The following NR1H3 variants were observed in gnomAD, a reference collection of about 807,000 sequenced individuals.
NR1H3 encodes nuclear receptor subfamily 1 group H member 3.
A neutral mutation model predicts 48.1 loss-of-function variants in NR1H3; 19 were observed. The observed-to-expected ratio is 0.40, with a 90% CI of 0.28 to 0.58. The LOEUF is 0.58. Among genes scored for constraint, NR1H3 ranks in the 20% least tolerant of loss-of-function variants. NR1H3 has a pLI of 0.50. For synonymous variants in NR1H3, 232 were observed against 227.3 expected, an observed-to-expected ratio of 1.02 and a Z score of -0.19; for missense variants, 486 against 595.9, an observed-to-expected ratio of 0.82 and a Z score of 1.92.
upstream of NR1H3, chr11:47,248,910 G>C (rs541058086): frequency 6.5e-7 from 1 of 1,541,558 alleles, no homozygotes; most frequent in African/African-American, 1.4e-5. Flanking sequence ...CTTACTTAGG[G>C]ACCTGCTGGG....
At chr11:47,264,337 G>A (rs1452311920) in intron 7 of NR1H3, among the ~76,000 whole-genome samples, 2 of 152,192 alleles carry the variant, frequency 1.3e-5, no homozygotes, top group African/African-American at 2.4e-5. Flanking sequence ...GCCAGCTCAC[G>A]TGCCTCTTGC....
Position 47,268,266 on chromosome 11 carries a change from C to T in NR1H3, c.1108C>T (p.Pro370Ser). 1 of 1,613,948 alleles carries T rather than the reference C, an allele frequency of 6.2e-7. No homozygotes were observed. Among genetic ancestry groups the T allele is most frequent in the African/African-American group, 1.3e-5 (1 of 75,004 alleles). Reference sequence around the variant, plus strand: ...ACTCTCTTGGTGACCTATAGACCGGCCCAACGTGCAGGACCAGCTCCAGGT... The same window carrying T: ...ACTCTCTTGGTGACCTATAGACCGGTCCAACGTGCAGGACCAGCTCCAGGT... ...IAISIFSADR[P>S]NVQDQLQVER... Residue 370 changes from proline to serine, a missense_variant, in exon 9 of 10, where the codon CCC becomes TCC. Physicochemically the swap from Pro to Ser is moderately conservative, Grantham distance 74 (BLOSUM62 -1). Transcript: ENST00000441012.
In NR1H3 at chr11:47,268,019, C is replaced by G. The variant is rs144558044; in HGVS notation, c.1095C>G (p.Phe365Leu). The G allele has an allele frequency of 6.2e-7, 1 of 1,612,004 alleles. No homozygotes were observed. The highest frequency in any genetic ancestry group is 1.1e-5 in the South Asian group (1 of 91,016). The stretch of plus-strand genomic sequence containing the variant: ...CCTTGCTCATTGCTATCAGCATCTT[C>G]TCTGCAGGTGTGGAGGAGGGGCAAT... ...EFALLIAISI[F>L]SADRPNVQDQ... is the part of the protein sequence containing the mutation. Residue 365 changes from phenylalanine (F) to leucine (L), a missense_variant, in exon 8 of 10, where the codon TTC becomes TTG. By Grantham distance (22) the Phe-to-Leu change is conservative. Coordinates refer to ENST00000441012, the MANE Select transcript of NR1H3 (RefSeq NM_005693.4).
upstream of NR1H3, among the ~76,000 whole-genome samples, chr11:47,254,956 A>G (rs866239141): frequency 6.6e-6 from 1 of 152,086 alleles, no homozygotes; most frequent in Non-Finnish European, 1.5e-5. Context: ...CCGTCCTTCT[A>G]TGCTTTAATG....
chr11:47,268,849 G>A lies in NR1H3; in HGVS notation c.*153G>A. 3.2e-6 allele frequency: 3 copies of A among 929,190 alleles called. No homozygotes were observed. Among genetic ancestry groups the A allele is most frequent in the East Asian group, 2.6e-5 (1 of 39,152 alleles). 57.6% of individuals were successfully genotyped at this position (929,190 alleles called of 1,614,324 possible). On this transcript the variant is annotated 3_prime_UTR_variant, in exon 10 of 10. Coordinates refer to ENST00000441012, the MANE Select transcript of NR1H3 (RefSeq NM_005693.4). ...CATTAAAAGAGAGTCAAAGGGTTGC[G>A]AGTTTTGTGGCTACTGAGCAGTGGA...
chr11:47,251,369 T>C (rs1414125441), intron 1 of NR1H3, among the ~76,000 whole-genome samples: 1 of 152,062 alleles, frequency 6.6e-6, no homozygotes, highest in Admixed American at 6.6e-5. Flanking sequence ...CCCAGCACTT[T>C]GGGAGGACGA....
At chr11:47,257,598 C>T (rs527483503), upstream of NR1H3, 12 of 956,352 alleles carry the variant, frequency 1.3e-5, no homozygotes, top group South Asian at 1.9e-4. Flanking sequence ...GGCTCAGTGT[C>T]GCAATTCCGG....
intron 7 of NR1H3, among the ~76,000 whole-genome samples, chr11:47,266,501 T>G (rs1289777373): frequency 6.6e-6 from 1 of 151,904 alleles, no homozygotes; most frequent in Non-Finnish European, 1.5e-5. Flanking sequence ...GCCCAGTTAA[T>G]TTTTGTATTT....
chr11:47,265,135 A>C (rs1264764995), intron 7 of NR1H3, among the ~76,000 whole-genome samples: 11 of 152,222 alleles, frequency 7.2e-5, no homozygotes, highest in African/African-American at 2.2e-4. Context: ...CTCTACTGAA[A>C]ATACAAAAAT....
intron 7 of NR1H3, among the ~76,000 whole-genome samples, chr11:47,266,710 C>T (rs1012639718): frequency 2.0e-5 from 3 of 150,798 alleles, no homozygotes; most frequent in Admixed American, 1.3e-4. Flanking sequence ...GGCGTGATCT[C>T]GGCTTACTGC....
At chr11:47,259,710 T>C (rs1012856139) in intron 2 of NR1H3, 81 bp from the exon 3 acceptor site, 2 of 1,596,910 alleles carry the variant, frequency 1.3e-6, no homozygotes, top group Non-Finnish European at 1.7e-6. Context: ...GGGATAAGTT[T>C]GCAGTTTCCC....
intron 1 of NR1H3, among the ~76,000 whole-genome samples, chr11:47,252,383 T>A (rs1954736024): frequency 2.0e-5 from 3 of 151,978 alleles, no homozygotes; most frequent in African/African-American, 4.8e-5. Context: ...TGCCTCAGCC[T>A]CCCGAGTAGC....
At chr11:47,267,767 C>G (rs911624238) in intron 7 of NR1H3, 146 bp from the exon 8 acceptor site, 2 of 635,392 alleles carry the variant, frequency 3.1e-6, no homozygotes, top group Admixed American at 2.4e-5. Flanking sequence ...CCTCAGCCTC[C>G]GAAAGTGCTG....
chr11:47,252,850 T>C (rs1385909973), intron 1 of NR1H3, among the ~76,000 whole-genome samples: 1 of 151,926 alleles, frequency 6.6e-6, no homozygotes, highest in Non-Finnish European at 1.5e-5. Context: ...ATTACAGGCA[T>C]GAGCTACTGC....
At chr11:47,255,575 T>TTC (rs1955037304), upstream of NR1H3, among the ~76,000 whole-genome samples, 1 of 81,614 alleles carries the variant, frequency 1.2e-5, no homozygotes, top group South Asian at 4.9e-4. Flanking sequence ...CTTTCTTTCT[T>TTC]TCTTTCTTTC....
In NR1H3 at chr11:47,268,952, G is replaced by A. The variant is rs2135772952; in HGVS notation, c.*256G>A. On this transcript the variant is annotated 3_prime_UTR_variant, in exon 10 of 10. Transcript: ENST00000441012. ...ATGGGCCTGGGGGCCACTTTGCACAGGGTTCTCCAGAGCCCTGCCCATCCT... is the reference window on the plus strand; with the variant it reads ...ATGGGCCTGGGGGCCACTTTGCACAAGGTTCTCCAGAGCCCTGCCCATCCT... The A allele has an allele frequency of 2.0e-6, 1 of 488,120 alleles. No individual in the cohort carries two copies. 30.2% of individuals were successfully genotyped at this position (488,120 alleles called of 1,614,324 possible).
At chr11:47,259,594 A>C in intron 2 of NR1H3, 197 bp from the exon 3 acceptor site, 1 of 1,453,724 alleles carries the variant, frequency 6.9e-7, no homozygotes, top group Non-Finnish European at 9.0e-7. Context: ...ATCTTCATTT[A>C]AGGTCCTGAG....
chr11:47,259,053 A>T, intron 1 of NR1H3, 127 bp from the exon 2 acceptor site: 1 of 1,507,692 alleles, frequency 6.6e-7, no homozygotes, highest in South Asian at 1.3e-5. Context: ...AGTACAGGCT[A>T]ATATATGGCA....
chr11:47,255,575 T>C (rs367768427), upstream of NR1H3, among the ~76,000 whole-genome samples: 2 of 81,592 alleles, frequency 2.5e-5, no homozygotes, highest in Non-Finnish European at 2.3e-5. Flanking sequence ...CTTTCTTTCT[T>C]TCTTTCTTTC....
Sources: gnomAD v4.1 joint callset for allele counts (sites outside exome capture counted in the v4.1 genomes callset) on GRCh38, gnomAD v4.1.1 for gene constraint, MANE v1.5 for transcripts, NCBI Gene and HGNC (gene_info 2026-07-23, HGNC 2026-07-21) for gene names.